Variants in GPHN observed in about 807,000 individuals in gnomAD.
GPHN encodes gephyrin.
A neutral mutation model predicts 95.5 loss-of-function variants in GPHN; 17 were observed. The observed-to-expected ratio is 0.18, with a 90% CI of 0.12 to 0.27. The LOEUF is 0.27. Among genes scored for constraint, GPHN ranks in the 10% least tolerant of loss-of-function variants. GPHN has a pLI of 1.00. For missense variants in GPHN, 660 were observed against 978.1 expected (o/e 0.67, Z 4.34); for synonymous variants, 320 against 322.5 (o/e 0.99, Z 0.08).
intron 1 of GPHN, among the ~76,000 whole-genome samples, chr14:66,521,989 A>C (rs1179177584): frequency 1.3e-5 from 2 of 151,872 alleles, no homozygotes; most frequent in Non-Finnish European, 1.5e-5. Flanking sequence ...TATATCAGTC[A>C]CTGTTTCTTC....
the GPHN span, chr14:67,292,698 C>T: frequency 3.2e-5 from 52 of 1,613,332 alleles, no homozygotes; most frequent in South Asian, 1.3e-4. Flanking sequence ...TTATCTCCAA[C>T]GCACAAGATC....
intron 1 of GPHN, among the ~76,000 whole-genome samples, chr14:66,565,968 C>CTT (rs60387447): frequency 0.015 from 2,150 of 143,242 alleles, 21 homozygotes; most frequent in Middle Eastern, 0.024. Flanking sequence ...AAAGAAAATT[C>CTT]TTTTTTTTTT....
At chr14:66,848,836 A>G (rs552079627) in intron 4 of GPHN, among the ~76,000 whole-genome samples, 8 of 152,040 alleles carry the variant, frequency 5.3e-5, no homozygotes, top group South Asian at 2.1e-4. Context: ...TAAAAACACC[A>G]ATAATCTGAA....
chr14:66,968,478 A>G (rs2069502427), intron 9 of GPHN, among the ~76,000 whole-genome samples: 1 of 152,154 alleles, frequency 6.6e-6, no homozygotes. Context: ...AATCCTTTCT[A>G]CATTTCAAAT....
chr14:67,379,654 C>CTTTTTTTTT, the GPHN span, among the ~76,000 whole-genome samples: 3,958 of 119,620 alleles, frequency 0.033, 488 homozygotes, highest in African/African-American at 0.13. Flanking sequence ...TTTTCTTTTT[C>CTTTTTTTTT]TTTTTTTTTT....
chr14:67,620,659 G>A, the GPHN span, among the ~76,000 whole-genome samples: 1 of 152,160 alleles, frequency 6.6e-6, no homozygotes, highest in South Asian at 2.1e-4. Flanking sequence ...CCAGTCTCTG[G>A]CCCGAGCCAG....
At chr14:67,642,005 C>G in the GPHN span, among the ~76,000 whole-genome samples, 1 of 152,126 alleles carries the variant, frequency 6.6e-6, no homozygotes, top group Admixed American at 6.5e-5. Flanking sequence ...TTTCCAACAT[C>G]TGCAAAACTG....
chr14:66,681,986 A>G (rs902688020), intron 2 of GPHN, among the ~76,000 whole-genome samples: 1 of 152,220 alleles, frequency 6.6e-6, no homozygotes, highest in African/African-American at 2.4e-5. Flanking sequence ...CCCAGATCAC[A>G]TGTAATATAC....
chr14:67,043,639 A>G (rs1423470109), intron 10 of GPHN, among the ~76,000 whole-genome samples: 1 of 152,104 alleles, frequency 6.6e-6, no homozygotes, highest in Non-Finnish European at 1.5e-5. Context: ...CCAGTATTAT[A>G]TTGAGAATTT....
the GPHN span, among the ~76,000 whole-genome samples, chr14:67,511,570 G>A: frequency 6.6e-6 from 1 of 152,178 alleles, no homozygotes; most frequent in African/African-American, 2.4e-5. Context: ...AAAGCTGGAT[G>A]TTCAAAAACA....
chr14:66,568,216 G>C (rs967660976), intron 1 of GPHN, among the ~76,000 whole-genome samples: 2 of 152,092 alleles, frequency 1.3e-5, no homozygotes, highest in African/African-American at 4.8e-5. Context: ...AGCTACAGTA[G>C]GAAATAAATA....
At chr14:66,616,861 C>A (rs1379497211) in intron 1 of GPHN, among the ~76,000 whole-genome samples, 1 of 152,164 alleles carries the variant, frequency 6.6e-6, no homozygotes, top group Non-Finnish European at 1.5e-5. Context: ...GCGTGTGCCA[C>A]CACGCCCAGC....
At chr14:67,169,720 G>A (rs1385260498) in intron 21 of GPHN, among the ~76,000 whole-genome samples, 2 of 152,182 alleles carry the variant, frequency 1.3e-5, no homozygotes, top group East Asian at 1.9e-4. Flanking sequence ...CAAGTGTTCC[G>A]AAGTAAATTC....
intron 9 of GPHN, among the ~76,000 whole-genome samples, chr14:67,014,295 G>C (rs759325068): frequency 3.3e-5 from 5 of 152,084 alleles, no homozygotes; most frequent in Non-Finnish European, 5.9e-5. Flanking sequence ...AATATCTTAT[G>C]AGATAGATGT....
the GPHN span, among the ~76,000 whole-genome samples, chr14:67,506,740 C>T: frequency 2.0e-5 from 3 of 152,172 alleles, no homozygotes; most frequent in Non-Finnish European, 4.4e-5. Context: ...AATCCCAACA[C>T]TTTGGGAGGC....
At chr14:67,159,781 C>T (rs1454537460) in intron 19 of GPHN, among the ~76,000 whole-genome samples, 1 of 152,056 alleles carries the variant, frequency 6.6e-6, no homozygotes, top group Admixed American at 6.6e-5. Flanking sequence ...TTTCCCCAAA[C>T]TGCTTCTTTA....
At chr14:67,707,508 A>C in the GPHN span, among the ~76,000 whole-genome samples, 1 of 152,178 alleles carries the variant, frequency 6.6e-6, no homozygotes, top group African/African-American at 2.4e-5. Context: ...AGCTCACTGC[A>C]ACCTCCACCT....
chr14:66,700,647 C>T (rs1052970989), intron 2 of GPHN, among the ~76,000 whole-genome samples: 3 of 152,072 alleles, frequency 2.0e-5, no homozygotes, highest in East Asian at 1.9e-4. Flanking sequence ...TTATTATGAC[C>T]GGATGCAGTG....
chr14:67,559,573 G>T, the GPHN span: 1 of 1,443,008 alleles, frequency 6.9e-7, no homozygotes. Flanking sequence ...CCTGGTGATT[G>T]TTGGGATTAA....
Sources: gnomAD v4.1 joint callset for allele counts (sites outside exome capture counted in the v4.1 genomes callset) on GRCh38, gnomAD v4.1.1 for gene constraint, MANE v1.5 for transcripts, NCBI Gene and HGNC (gene_info 2026-07-23, HGNC 2026-07-21) for gene names.